The following CTNNA3 variants were observed in gnomAD, a reference collection of about 807,000 sequenced individuals.
The protein encoded by CTNNA3 is catenin alpha 3.
CTNNA3 carries 76 observed loss-of-function variants against 95.7 expected under a neutral mutation model. That is an observed-to-expected ratio of 0.79 (90% CI 0.66 to 0.96). CTNNA3 has a LOEUF of 0.96. CTNNA3 is among the 40% of genes least tolerant of loss of function. CTNNA3 has a pLI of 0.00. For missense variants in CTNNA3, 1,191 were observed against 1,089.8 expected (o/e 1.09, Z -1.31); for synonymous variants, 431 against 374.4 (o/e 1.15, Z -1.74).
intron 15 of CTNNA3, among the ~76,000 whole-genome samples, chr10:66,000,842 G>T (rs879641845): frequency 1.3e-5 from 2 of 152,130 alleles, no homozygotes; most frequent in Admixed American, 1.3e-4. Flanking sequence ...GCTTGACCAA[G>T]TTTCACAGGT....
At chr10:66,054,066 T>C (rs10443938) in intron 15 of CTNNA3, among the ~76,000 whole-genome samples, 25,954 of 152,246 alleles carry the variant, frequency 0.17, 2,514 homozygotes, top group Admixed American at 0.25. Flanking sequence ...ATTTCATTCT[T>C]TTTATTGTTG....
At chr10:66,678,058 C>A (rs145089322) in intron 9 of CTNNA3, among the ~76,000 whole-genome samples, 3 of 152,282 alleles carry the variant, frequency 2.0e-5, no homozygotes, top group South Asian at 4.2e-4. Flanking sequence ...ATAAACGGAA[C>A]TCAATCTAAA....
At chr10:66,829,645 T>G (rs1324817319) in intron 7 of CTNNA3, among the ~76,000 whole-genome samples, 1 of 151,168 alleles carries the variant, frequency 6.6e-6, no homozygotes, top group East Asian at 1.9e-4. Context: ...TATACAGTGT[T>G]TCTCAAATAT....
intron 11 of CTNNA3, among the ~76,000 whole-genome samples, chr10:66,443,046 G>C (rs187312738): frequency 1.3e-5 from 2 of 152,136 alleles, no homozygotes; most frequent in African/African-American, 4.8e-5. Context: ...TGCCCACAGA[G>C]TCTCACTGAT....
chr10:66,765,508 T>C (rs950033854), intron 9 of CTNNA3, among the ~76,000 whole-genome samples: 3 of 152,176 alleles, frequency 2.0e-5, no homozygotes, highest in Admixed American at 2.0e-4. Context: ...ATGGATCTAG[T>C]AGATAACATT....
chr10:67,006,273 CCACTT>C (rs1851983024), intron 7 of CTNNA3, among the ~76,000 whole-genome samples: 1 of 152,070 alleles, frequency 6.6e-6, no homozygotes, highest in Non-Finnish European at 1.5e-5. Flanking sequence ...CTACATCACA[CCACTT>C]AACTATTAAG....
chr10:67,374,040 T>G (rs1043299352), intron 5 of CTNNA3, among the ~76,000 whole-genome samples: 1 of 152,182 alleles, frequency 6.6e-6, no homozygotes, highest in African/African-American at 2.4e-5. Flanking sequence ...AACTTATTTT[T>G]TGATAGAAGT....
At chr10:67,319,522 C>T (rs1407985939) in intron 5 of CTNNA3, among the ~76,000 whole-genome samples, 1 of 152,056 alleles carries the variant, frequency 6.6e-6, no homozygotes, top group Non-Finnish European at 1.5e-5. Context: ...GTTAATGGAG[C>T]TCCCTAAAAA....
intron 13 of CTNNA3, among the ~76,000 whole-genome samples, chr10:66,135,139 A>G (rs888585931): frequency 1.7e-4 from 26 of 152,300 alleles, no homozygotes; most frequent in Admixed American, 1.7e-3. Context: ...ATAATGCAAT[A>G]TTTCTTAGCT....
chr10:67,715,788 T>C (rs1458151684), intron 1 of CTNNA3, among the ~76,000 whole-genome samples: 4 of 152,176 alleles, frequency 2.6e-5, no homozygotes, highest in African/African-American at 9.7e-5. Flanking sequence ...AAATTACAGG[T>C]TCCATCTGAA....
At chr10:67,657,690 T>G (rs1840063681) in intron 1 of CTNNA3, among the ~76,000 whole-genome samples, 1 of 150,752 alleles carries the variant, frequency 6.6e-6, no homozygotes, top group African/African-American at 2.4e-5. Flanking sequence ...TAATAAAAAT[T>G]TAAAATATTA....
At chr10:66,089,008 A>G (rs569117440) in intron 14 of CTNNA3, among the ~76,000 whole-genome samples, 33 of 152,066 alleles carry the variant, frequency 2.2e-4, no homozygotes, top group African/African-American at 7.5e-4. Flanking sequence ...TGTGATTATT[A>G]TCTCCTCAAA....
chr10:66,452,221 A>C (rs2093469099), intron 11 of CTNNA3, among the ~76,000 whole-genome samples: 1 of 152,134 alleles, frequency 6.6e-6, no homozygotes, highest in African/African-American at 2.4e-5. Flanking sequence ...GGCATTCTTT[A>C]TATTCTATTC....
At chr10:66,226,575 CT>C (rs201437965) in intron 13 of CTNNA3, among the ~76,000 whole-genome samples, 1,445 of 138,490 alleles carry the variant, frequency 0.01, 35 homozygotes, top group Admixed American at 0.062. Flanking sequence ...ATTTTTTTTC[CT>C]TTTTTTTTTT....
intron 11 of CTNNA3, among the ~76,000 whole-genome samples, chr10:66,499,968 C>G (rs1320034728): frequency 1.3e-5 from 2 of 151,636 alleles, no homozygotes; most frequent in South Asian, 2.1e-4. Flanking sequence ...ATGCCTGGCT[C>G]ATTTTTGTAT....
chr10:66,123,633 C>G (rs551512449), intron 13 of CTNNA3, among the ~76,000 whole-genome samples: 1 of 152,190 alleles, frequency 6.6e-6, no homozygotes, highest in Non-Finnish European at 1.5e-5. Flanking sequence ...TCCATGGGAT[C>G]CCCACCCTGC....
chr10:67,187,190 C>T (rs1198900823), intron 6 of CTNNA3, among the ~76,000 whole-genome samples: 1 of 152,150 alleles, frequency 6.6e-6, no homozygotes, highest in Non-Finnish European at 1.5e-5. Context: ...ACTTCCAGTT[C>T]CATGCTATAA....
intron 7 of CTNNA3, among the ~76,000 whole-genome samples, chr10:66,829,252 A>G (rs1842625366): frequency 6.6e-6 from 1 of 152,228 alleles, no homozygotes; most frequent in Admixed American, 6.5e-5. Flanking sequence ...ACAGGAATAA[A>G]GTTTAACTCT....
At chr10:66,744,654 T>A (rs1256599961) in intron 9 of CTNNA3, among the ~76,000 whole-genome samples, 3 of 152,186 alleles carry the variant, frequency 2.0e-5, no homozygotes, top group Non-Finnish European at 4.4e-5. Flanking sequence ...TTCAGGATAA[T>A]GTTATTATAT....
Sources: allele counts gnomAD v4.1 joint callset (sites outside exome capture counted in the v4.1 genomes callset), GRCh38; gene constraint gnomAD v4.1.1; transcripts MANE v1.5; gene names NCBI Gene and HGNC (gene_info 2026-07-23, HGNC 2026-07-21).